IFI16: variants seen among roughly 807,000 people sequenced by gnomAD.
IFI16 encodes interferon gamma inducible protein 16, also known as gamma-interferon-inducible protein 16.
Under a neutral mutation model 68.4 loss-of-function variants are expected in IFI16, and 49 were observed. That is an observed-to-expected ratio of 0.72 (90% CI 0.57 to 0.91). IFI16 has a LOEUF of 0.91. IFI16 is among the 40% of genes least tolerant of loss of function. The pLI is 0.00. For synonymous variants in IFI16, 307 were observed against 315.0 expected (o/e 0.97, Z 0.27); for missense variants, 878 against 942.9 (o/e 0.93, Z 0.90).
chr1:159,049,033 A>AGACT (rs1655177948), intron 8 of IFI16, among the ~76,000 whole-genome samples: 1 of 150,496 alleles, frequency 6.6e-6, no homozygotes, highest in South Asian at 2.1e-4. Context: ...CACTTGAGAG[A>AGACT]GACTGGTTTG....
At chr1:159,047,271 C>CT (rs1337860652) in intron 8 of IFI16, among the ~76,000 whole-genome samples, 56 of 150,204 alleles carry the variant, frequency 3.7e-4, no homozygotes, top group African/African-American at 1.2e-3. Context: ...TTTAGACAGT[C>CT]TTTTTTTTTA....
intron 7 of IFI16, among the ~76,000 whole-genome samples, chr1:159,035,518 A>G (rs1048557097): frequency 6.6e-6 from 1 of 152,232 alleles, no homozygotes; most frequent in Non-Finnish European, 1.5e-5. Flanking sequence ...GAGCACAGGA[A>G]TCCCAGGAGG....
At chr1:159,037,943 CTG>C (rs1234677849) in intron 7 of IFI16, among the ~76,000 whole-genome samples, 14 of 152,044 alleles carry the variant, frequency 9.2e-5, no homozygotes, top group Admixed American at 2.0e-4. Flanking sequence ...TCTGTAAAAA[CTG>C]TGTTTGTTAC....
intron 1 of IFI16, among the ~76,000 whole-genome samples, chr1:159,014,266 C>T: frequency 6.6e-6 from 1 of 152,156 alleles, no homozygotes; most frequent in East Asian, 1.9e-4. Context: ...ACCTAGGCCG[C>T]TCCAGTCATA....
chr1:159,036,957 T>C (rs6657833), intron 7 of IFI16, among the ~76,000 whole-genome samples: 4,307 of 152,278 alleles, frequency 0.028, 206 homozygotes, highest in African/African-American at 0.098. Flanking sequence ...GTTTGACTGG[T>C]AAATTCCAAA....
intron 6 of IFI16, among the ~76,000 whole-genome samples, chr1:159,023,626 CTTT>C (rs894845031): frequency 6.8e-6 from 1 of 146,252 alleles, no homozygotes; most frequent in African/African-American, 2.5e-5. Flanking sequence ...TTGTTTTTAC[CTTT>C]TTTTTTTTAG....
At chr1:159,023,081 A>G (rs1333374486) in intron 6 of IFI16, among the ~76,000 whole-genome samples, 7 of 152,180 alleles carry the variant, frequency 4.6e-5, no homozygotes. Flanking sequence ...AAGTACACCA[A>G]TAACAAGAGC....
intron 1 of IFI16, 85 bp downstream of exon 1, chr1:159,010,246 T>C (rs1468127254): frequency 2.0e-5 from 3 of 152,210 alleles, no homozygotes; most frequent in Admixed American, 6.5e-5. Flanking sequence ...CAGTATTGGT[T>C]ATTCAGGGTC....
intron 1 of IFI16, among the ~76,000 whole-genome samples, chr1:159,011,562 C>T (rs1324328489): frequency 6.6e-6 from 1 of 151,564 alleles, no homozygotes; most frequent in African/African-American, 2.4e-5. Flanking sequence ...GAAATATATA[C>T]TAATTATAGT....
At chr1:159,019,072 G>T (rs1653125213) in intron 5 of IFI16, among the ~76,000 whole-genome samples, 1 of 152,030 alleles carries the variant, frequency 6.6e-6, no homozygotes, top group African/African-American at 2.4e-5. Context: ...TTGAGTTCTG[G>T]TTGTGACAGT....
chr1:159,011,116 T>A (rs748932353), intron 1 of IFI16, among the ~76,000 whole-genome samples: 1 of 151,264 alleles, frequency 6.6e-6, no homozygotes, highest in Middle Eastern at 3.4e-3. Flanking sequence ...GCACAGAGGT[T>A]CATGCCTGTA....
chr1:159,048,795 C>T (rs900233282), intron 8 of IFI16, among the ~76,000 whole-genome samples: 5 of 151,546 alleles, frequency 3.3e-5, no homozygotes, highest in African/African-American at 2.4e-5. Flanking sequence ...ATTCTCCAGT[C>T]TTACTTGAAA....
At chr1:159,032,453 TC>T in intron 6 of IFI16, 70 bp from the exon 7 acceptor site, 1 of 925,420 alleles carries the variant, frequency 1.1e-6, no homozygotes. Context: ...AGGATGATAT[TC>T]TCACAAATGA....
At position 159,051,718 on chromosome 1, in the gene IFI16, A is replaced by T; in HGVS notation, c.1705A>T (p.Ile569Leu). The change falls in exon 10 of 12, where the codon ATA becomes TTA. Residue 569 changes from isoleucine to leucine, a missense_variant. Transcript: ENST00000295809. ...GAAGACTGAACCTGAAGAAGTTTCCATAGAAGACAGTGCCCAGAGTGACCT... is the reference window on the plus strand; with the variant it reads ...GAAGACTGAACCTGAAGAAGTTTCCTTAGAAGACAGTGCCCAGAGTGACCT... ...RLKTEPEEVS[I>L]EDSAQSDLKE... The T allele has an allele frequency of 1.9e-6, 3 of 1,613,710 alleles. No individual in the cohort carries two copies. Among genetic ancestry groups the T allele is most frequent in the Non-Finnish European group, 2.5e-6 (3 of 1,179,680 alleles).
At chr1:159,035,161 AT>A (rs557376158) in intron 7 of IFI16, among the ~76,000 whole-genome samples, 11 of 151,278 alleles carry the variant, frequency 7.3e-5, no homozygotes, top group East Asian at 1.9e-4. Flanking sequence ...CTCTATTTTG[AT>A]TTTTTTTTGG....
intron 1 of IFI16, among the ~76,000 whole-genome samples, chr1:159,011,673 G>A (rs1386876966): frequency 6.6e-6 from 1 of 151,942 alleles, no homozygotes; most frequent in Non-Finnish European, 1.5e-5. Flanking sequence ...TTATCATGTG[G>A]TATCTGAAGT....
At chr1:159,016,921 G>A (rs1426095410) in intron 4 of IFI16, among the ~76,000 whole-genome samples, 1 of 152,224 alleles carries the variant, frequency 6.6e-6, no homozygotes, top group Non-Finnish European at 1.5e-5. Flanking sequence ...GTTTGGGGAA[G>A]GGAGAGAGAG....
rs758694543 is a variant in IFI16 at position 159,015,896 on chromosome 1, A to G, written c.290A>G (p.Lys97Arg). The G allele has an allele frequency of 6.2e-7, 1 of 1,613,912 alleles. No individual in the cohort carries two copies. ...LKVKGPALSRKRKKEVDATSP... is the reference protein window; with the variant it reads ...LKVKGPALSRRRKKEVDATSP... ...GTAAAAGGACCAGCCCTATCAAGAA[A>G]GAGGAAGAAGGAAGTGGATGCTACT... The change falls in exon 3 of 12, where the codon AAG becomes AGG. Residue 97 changes from lysine to arginine, a missense_variant. Physicochemically the swap from Lys to Arg is conservative, Grantham distance 26 (BLOSUM62 2). Transcript: ENST00000295809.
At position 159,015,075 on chromosome 1, in the gene IFI16, G is replaced by A; in HGVS notation, c.265+130G>A. ...TTTGTGACTCAACAGCTGAGACAAT[G>A]TTGGTACTTCAGAGGCCAACAAGTT... On this transcript the variant is annotated intron_variant, in intron 2 of 11. Coordinates refer to ENST00000295809, the MANE Select transcript of IFI16 (RefSeq NM_001376587.1). 3 of 876,328 alleles carry A rather than the reference G, an allele frequency of 3.4e-6. No individual in the cohort carries two copies. In the South Asian group the frequency reaches 5.2e-5, roughly 15 times the overall value. 54.3% of individuals were successfully genotyped at this position (876,328 alleles called of 1,614,324 possible).
Sources: gnomAD v4.1 joint callset for allele counts (sites outside exome capture counted in the v4.1 genomes callset) on GRCh38, gnomAD v4.1.1 for gene constraint, MANE v1.5 for transcripts, NCBI Gene and HGNC (gene_info 2026-07-23, HGNC 2026-07-21) for gene names.